Variants in COL5A2 observed in about 807,000 individuals in gnomAD.
The protein encoded by COL5A2 is collagen type V alpha 2 chain.
Under a neutral mutation model 208.2 loss-of-function variants are expected in COL5A2, and 23 were observed. That is an observed-to-expected ratio of 0.11 (90% CI 0.08 to 0.16). The LOEUF (loss-of-function observed/expected upper bound fraction) is 0.16. Ranked by LOEUF, COL5A2 falls within the 10% of genes least tolerant of loss-of-function variation. The probability of loss-of-function intolerance (pLI) is 1.00; values close to 1 mark genes in which losing one functional copy is unlikely to be tolerated. For synonymous variants in COL5A2, 625 were observed against 628.5 expected, an observed-to-expected ratio of 0.99 and a Z score of 0.08; for missense variants, 1,590 against 1,956.4, an observed-to-expected ratio of 0.81 and a Z score of 3.53.
Position 189,052,051 on chromosome 2 carries a change from A to G in COL5A2, c.2769+121T>C. ...TACCAGCATGCATTATTGGAATAAG[A>G]GTTGTTAAATAAGAAAACATACCAT... On this transcript the variant is annotated intron_variant, in intron 41 of 53. Coordinates refer to ENST00000374866, the MANE Select transcript of COL5A2 (RefSeq NM_000393.5). 3 of 759,902 alleles carry G rather than the reference A, an allele frequency of 3.9e-6. No individual in the cohort carries two copies. The South Asian group carries it at 5.9e-5, about 15-fold the overall frequency. The allele number at this position is 759,902 out of a possible 1,614,324, so 47.1% of individuals were successfully genotyped here. A position where few individuals can be genotyped will look rare whatever the true frequency, so the allele number is the denominator to read the frequency against.
At position 189,100,040 on chromosome 2, in the gene COL5A2, T is replaced by C. The variant is rs1221481577; in HGVS notation, c.369+67A>G. The stretch of plus-strand genomic sequence containing the variant: ...TTGAAAGTATGTACATAAGCAATAA[T>C]ATACAATTATACTATAAGCTAAGTT... On this transcript the variant is annotated intron_variant, in intron 4 of 53. Transcript: ENST00000374866. The C allele has an allele frequency of 7.6e-6, 10 of 1,321,040 alleles. No individual in the cohort carries two copies. The East Asian group carries it at 2.3e-4, about 31-fold the overall frequency. 81.8% of individuals were successfully genotyped at this position (1,321,040 alleles called of 1,614,324 possible).
the COL5A2 span, among the ~76,000 whole-genome samples, chr2:189,400,477 C>T: frequency 5.1e-4 from 77 of 152,266 alleles, 2 homozygotes; most frequent in South Asian, 0.011. Context: ...TTTACTTTGA[C>T]TTCTAGAATT....
intron 1 of COL5A2, among the ~76,000 whole-genome samples, chr2:189,207,476 A>G (rs1559145931): frequency 6.6e-6 from 1 of 152,182 alleles, no homozygotes. Context: ...CACCAGTCAT[A>G]CAATTCTGTT....
intron 1 of COL5A2, among the ~76,000 whole-genome samples, chr2:189,166,547 C>G (rs780129989): frequency 2.2e-4 from 33 of 152,228 alleles, no homozygotes; most frequent in Non-Finnish European, 4.6e-4. Context: ...AGGAATCTGG[C>G]TGGCAAATTT....
chr2:189,420,436 G>A, the COL5A2 span, among the ~76,000 whole-genome samples: 1 of 152,116 alleles, frequency 6.6e-6, no homozygotes, highest in Non-Finnish European at 1.5e-5. Flanking sequence ...AAATAATACT[G>A]TATTATAGAT....
chr2:189,057,557 C>A, intron 33 of COL5A2, 130 bp from the exon 34 acceptor site: 1 of 708,166 alleles, frequency 1.4e-6, no homozygotes, highest in Non-Finnish European at 2.5e-6. Context: ...TATTTTTCAT[C>A]TGAGAAAGTT....
At chr2:189,420,009 G>A in the COL5A2 span, among the ~76,000 whole-genome samples, 1 of 145,784 alleles carries the variant, frequency 6.9e-6, no homozygotes, top group African/African-American at 2.5e-5. Context: ...GAGAGGAGGA[G>A]GAGGAGATGA....
intron 1 of COL5A2, among the ~76,000 whole-genome samples, chr2:189,128,889 G>A (rs945409544): frequency 6.6e-6 from 1 of 151,856 alleles, no homozygotes; most frequent in South Asian, 2.1e-4. Flanking sequence ...GTTTATCACC[G>A]AAAACTATCA....
chr2:189,273,383 G>A, the COL5A2 span, among the ~76,000 whole-genome samples: 19 of 151,966 alleles, frequency 1.3e-4, no homozygotes, highest in African/African-American at 4.6e-4. Flanking sequence ...AGAAAAGGGA[G>A]CCCTGGTACA....
intron 11 of COL5A2, among the ~76,000 whole-genome samples, 170 bp downstream of exon 11, chr2:189,084,990 C>A (rs1218427552): frequency 6.6e-6 from 1 of 152,110 alleles, no homozygotes; most frequent in Non-Finnish European, 1.5e-5. Flanking sequence ...ATTAAGAGCC[C>A]TTTTAGATAT....
At chr2:189,304,324 T>A in the COL5A2 span, among the ~76,000 whole-genome samples, 1 of 152,210 alleles carries the variant, frequency 6.6e-6, no homozygotes, top group Non-Finnish European at 1.5e-5. Context: ...CAGCACAATA[T>A]TCATTAGTAA....
the COL5A2 span, among the ~76,000 whole-genome samples, chr2:189,344,086 T>C: frequency 1.3e-5 from 2 of 152,178 alleles, no homozygotes; most frequent in Non-Finnish European, 2.9e-5. Flanking sequence ...ACATAATAAA[T>C]GTACATACAC....
chr2:189,208,189 TA>T (rs1689164788), intron 1 of COL5A2, among the ~76,000 whole-genome samples: 1 of 152,164 alleles, frequency 6.6e-6, no homozygotes, highest in South Asian at 2.1e-4. Flanking sequence ...CTCCTTTGCC[TA>T]GTTACCCCCT....
chr2:189,259,742 G>T, the COL5A2 span, among the ~76,000 whole-genome samples: 3 of 152,194 alleles, frequency 2.0e-5, no homozygotes, highest in African/African-American at 7.2e-5. Context: ...GGACCACGCA[G>T]AGTTCAGAAG....
At chr2:189,436,646 T>C in the COL5A2 span, among the ~76,000 whole-genome samples, 98 of 152,206 alleles carry the variant, frequency 6.4e-4, 1 homozygote, top group Admixed American at 1.1e-3. Context: ...ATGGTACATA[T>C]ACACTATGGA....
chr2:189,161,996 G>A (rs1178657064), intron 1 of COL5A2, among the ~76,000 whole-genome samples: 1 of 152,160 alleles, frequency 6.6e-6, no homozygotes, highest in East Asian at 1.9e-4. Flanking sequence ...GAAAAAATAA[G>A]GGATAAGGAA....
At chr2:189,274,644 G>A in the COL5A2 span, among the ~76,000 whole-genome samples, 1 of 151,794 alleles carries the variant, frequency 6.6e-6, no homozygotes, top group Admixed American at 6.6e-5. Context: ...TACTACATAA[G>A]CAAATAATTT....
chr2:189,367,849 C>A, the COL5A2 span, among the ~76,000 whole-genome samples: 1 of 152,064 alleles, frequency 6.6e-6, no homozygotes, highest in Non-Finnish European at 1.5e-5. Flanking sequence ...AATTATATTT[C>A]TATTATAATT....
intron 45 of COL5A2, among the ~76,000 whole-genome samples, chr2:189,047,241 G>C (rs563714950): frequency 6.6e-6 from 1 of 152,282 alleles, no homozygotes; most frequent in African/African-American, 2.4e-5. Flanking sequence ...AATAAGTAGA[G>C]AGATTTACCG....
Sources: gnomAD v4.1 joint callset for allele counts (sites outside exome capture counted in the v4.1 genomes callset) on GRCh38, gnomAD v4.1.1 for gene constraint, MANE v1.5 for transcripts, NCBI Gene and HGNC (gene_info 2026-07-23, HGNC 2026-07-21) for gene names.